Variants in NIPAL2 observed in about 807,000 individuals in gnomAD.
The protein encoded by NIPAL2 is NIPA like domain containing 2.
A neutral mutation model predicts 48.9 loss-of-function variants in NIPAL2; 43 were observed. That is an observed-to-expected ratio of 0.88 (90% CI 0.69 to 1.13). NIPAL2 has a LOEUF of 1.13. NIPAL2 is among the 50% of genes most tolerant of loss of function. NIPAL2 has a pLI of 0.00. For missense variants in NIPAL2, 446 were observed against 461.4 expected (o/e 0.97, Z 0.31); for synonymous variants, 167 against 174.6 (o/e 0.96, Z 0.34).
At chr8:98,204,912 G>A (rs920617287) in intron 7 of NIPAL2, among the ~76,000 whole-genome samples, 199 bp downstream of exon 7, 1 of 152,090 alleles carries the variant, frequency 6.6e-6, no homozygotes, top group South Asian at 2.1e-4. Context: ...CACAAGACAT[G>A]AAGGCAACGC....
At chr8:98,293,406 T>G (rs57251745) in intron 1 of NIPAL2, among the ~76,000 whole-genome samples, 11,326 of 152,236 alleles carry the variant, frequency 0.074, 681 homozygotes, top group African/African-American at 0.17. Flanking sequence ...TGGCGTTGTT[T>G]AAGTTAACAA....
rs112450059 is a variant in NIPAL2, at chr8:98,237,209, A to G, written c.377-995T>C. Among the ~76,000 whole-genome samples, 1,047 of 151,138 alleles carry G rather than the reference A, an allele frequency of 6.9e-3. 14 individuals carry two copies. Among genetic ancestry groups the G allele is most frequent in the African/African-American group, 0.022 (893 of 40,594 alleles). ...ACCACAGGCTCATGCCACCACTCCC[A>G]GCTAATTAAAAATTTTTTTATTTTT... On this transcript the variant is annotated intron_variant, in intron 3 of 10. Transcript: ENST00000430223.
chr8:98,204,916 G>A (rs930116043), intron 7 of NIPAL2, among the ~76,000 whole-genome samples, 195 bp downstream of exon 7: 2 of 152,070 alleles, frequency 1.3e-5, no homozygotes, highest in African/African-American at 2.4e-5. Context: ...AGACATGAAG[G>A]CAACGCTTCA....
chr8:98,194,603 A>C (rs967508713), intron 10 of NIPAL2, 125 bp downstream of exon 10: 2 of 493,690 alleles, frequency 4.1e-6, no homozygotes, highest in Non-Finnish European at 3.5e-6. Flanking sequence ...CTTTGGTTTC[A>C]TTATTAAATG....
At chr8:98,195,287 C>A (rs559062237) in intron 9 of NIPAL2, among the ~76,000 whole-genome samples, 12 of 152,184 alleles carry the variant, frequency 7.9e-5, no homozygotes, top group African/African-American at 2.9e-4. Context: ...CTTCCTACAC[C>A]GAAAATAGCC....
At chr8:98,293,495 T>C (rs1357388932) in intron 1 of NIPAL2, among the ~76,000 whole-genome samples, 2 of 152,150 alleles carry the variant, frequency 1.3e-5, no homozygotes, top group South Asian at 2.1e-4. Context: ...CGCACGGAAA[T>C]GGAAGAGCTG....
intron 4 of NIPAL2, among the ~76,000 whole-genome samples, chr8:98,234,224 G>A (rs999681189): frequency 4.6e-5 from 7 of 152,090 alleles, no homozygotes; most frequent in African/African-American, 1.7e-4. Flanking sequence ...AAAGACTCAT[G>A]ACATTATGGC....
chr8:98,279,696 A>C (rs1452132448), intron 1 of NIPAL2, among the ~76,000 whole-genome samples: 2 of 152,238 alleles, frequency 1.3e-5, no homozygotes, highest in African/African-American at 4.8e-5. Context: ...GTCAATGTCA[A>C]TGTACCACAA....
chr8:98,247,105 A>G (rs979302432), intron 3 of NIPAL2, among the ~76,000 whole-genome samples: 1 of 152,212 alleles, frequency 6.6e-6, no homozygotes, highest in Non-Finnish European at 1.5e-5. Context: ...AGGCTTATAG[A>G]CCTATGAGTG....
intron 3 of NIPAL2, among the ~76,000 whole-genome samples, chr8:98,249,660 T>G (rs1422389370): frequency 1.4e-5 from 2 of 147,424 alleles, no homozygotes; most frequent in African/African-American, 4.9e-5. Flanking sequence ...TAAATATAAT[T>G]AATATATTAA....
chr8:98,222,744 G>T, intron 4 of NIPAL2, 144 bp from the exon 5 acceptor site: 1 of 772,652 alleles, frequency 1.3e-6, no homozygotes, highest in Non-Finnish European at 2.1e-6. Context: ...AACCATCCTT[G>T]GATAGCGTCC....
chr8:98,278,119 CTTA>C (rs746802229), intron 1 of NIPAL2, among the ~76,000 whole-genome samples: 5 of 152,084 alleles, frequency 3.3e-5, no homozygotes, highest in Non-Finnish European at 5.9e-5. Context: ...ACTTCTGGCC[CTTA>C]TTGTTGTTGT....
chr8:98,245,323 G>A (rs1426799930), intron 3 of NIPAL2, among the ~76,000 whole-genome samples: 1 of 152,180 alleles, frequency 6.6e-6, no homozygotes, highest in Non-Finnish European at 1.5e-5. Context: ...AGGAAAAGAG[G>A]TATGTCAATT....
chr8:98,243,204 C>T (rs1421957757), intron 3 of NIPAL2, among the ~76,000 whole-genome samples: 1 of 152,182 alleles, frequency 6.6e-6, no homozygotes, highest in East Asian at 1.9e-4. Context: ...TTGCTGACTG[C>T]TGACTGTGGA....
rs576114727 is a variant in NIPAL2, at chr8:98,294,024, G to A, written c.114C>T (p.Gly38=). ...APGAGNGSLS[G]DWYRRNQIHL... is the part of the protein sequence containing the mutation. The stretch of plus-strand genomic sequence containing the variant: ...TTACCTGGTTCCTGCGGTACCAGTC[G>A]CCCGAGAGGGAGCCGTTGCCGGCGC... The change falls in exon 1 of 11, where the codon GGC becomes GGT. Residue 38 remains glycine, a synonymous_variant. Coordinates refer to ENST00000430223, the MANE Select transcript of NIPAL2 (RefSeq NM_001321635.2). The A allele has an allele frequency of 3.7e-5, 56 of 1,495,364 alleles. No individual in the cohort carries two copies. The South Asian group carries it at 7.0e-4, about 19-fold the overall frequency. 92.6% of individuals were successfully genotyped at this position (1,495,364 alleles called of 1,614,324 possible).
intron 1 of NIPAL2, among the ~76,000 whole-genome samples, chr8:98,270,249 A>C (rs1008355255): frequency 1.3e-5 from 2 of 152,204 alleles, no homozygotes; most frequent in Non-Finnish European, 2.9e-5. Flanking sequence ...TAGTTTTTTG[A>C]GAAATCTCCA....
chr8:98,215,421 G>C (rs1056466070), intron 5 of NIPAL2, among the ~76,000 whole-genome samples: 25 of 152,112 alleles, frequency 1.6e-4, no homozygotes, highest in Admixed American at 2.0e-4. Flanking sequence ...GATTTCTGCA[G>C]GTTGCGGTGC....
At chr8:98,284,356 T>A (rs1012427170) in intron 1 of NIPAL2, among the ~76,000 whole-genome samples, 1 of 152,024 alleles carries the variant, frequency 6.6e-6, no homozygotes, top group African/African-American at 2.4e-5. Context: ...GGAAGGTGAC[T>A]TCTAACCACT....
intron 1 of NIPAL2, among the ~76,000 whole-genome samples, chr8:98,280,761 T>TATATATATATATATATATAGAG: frequency 2.7e-4 from 8 of 30,010 alleles, no homozygotes; most frequent in East Asian, 6.2e-4. Context: ...TATATATATA[T>TATATATATATATATATATAGAG]AGAGAGAGAG....
Sources: allele counts gnomAD v4.1 joint callset (sites outside exome capture counted in the v4.1 genomes callset), GRCh38; gene constraint gnomAD v4.1.1; transcripts MANE v1.5; gene names NCBI Gene and HGNC (gene_info 2026-07-23, HGNC 2026-07-21).